Variants in CEP350 observed in about 807,000 individuals in gnomAD.
CEP350 encodes the protein centrosome-associated protein 350.
A neutral mutation model predicts 331.8 loss-of-function variants in CEP350; 126 were observed. That is an observed-to-expected ratio of 0.38 (90% confidence interval 0.33 to 0.44). The LOEUF (loss-of-function observed/expected upper bound fraction) is 0.44, where lower values mean the gene tolerates loss of function less well. Ranked by LOEUF, CEP350 falls within the 20% of genes least tolerant of loss-of-function variation. The pLI is 1.00. For missense variants in CEP350, 3,406 were observed against 3,634.6 expected, an observed-to-expected ratio of 0.94 and a Z score of 1.62; for synonymous variants, 1,200 against 1,259.5, an observed-to-expected ratio of 0.95 and a Z score of 1.00.
At position 180,111,309 on chromosome 1, in the gene CEP350, T is replaced by C; in HGVS notation, c.*148T>C. ...TACCAGTATGGAGTTCATAGGACAA[T>C]GTGGTACACCTGGTATTACAGCCTT... On this transcript the variant is annotated 3_prime_UTR_variant, in exon 38 of 38. Coordinates refer to ENST00000367607, the MANE Select transcript of CEP350 (RefSeq NM_014810.5). 1 of 906,490 alleles carries C rather than the reference T, an allele frequency of 1.1e-6. No homozygotes were observed. 56.2% of individuals were successfully genotyped at this position (906,490 alleles called of 1,614,324 possible). A position where few individuals can be genotyped will look rare whatever the true frequency, so the allele number is the denominator to read the frequency against.
At chr1:180,025,285 C>T (rs946165533) in intron 14 of CEP350, among the ~76,000 whole-genome samples, 2 of 152,002 alleles carry the variant, frequency 1.3e-5, no homozygotes, top group African/African-American at 4.8e-5. Context: ...CTCTGAGTAT[C>T]ATTAAATATA....
Position 180,022,754 on chromosome 1 carries a change from G to A in CEP350, c.3292G>A (p.Ala1098Thr), listed in dbSNP as rs759784572. ...TSTSRPLNATATPLSGVSYED... is the reference protein window; with the variant it reads ...TSTSRPLNATTTPLSGVSYED... ...AACATCACGGCCTTTGAATGCCACCGCAACTCCTCTAAGTGGTGTTTCATA... is the reference window on the plus strand; with the variant it reads ...AACATCACGGCCTTTGAATGCCACCACAACTCCTCTAAGTGGTGTTTCATA... The change falls in exon 13 of 38, where the codon GCA becomes ACA. Residue 1098 changes from alanine to threonine, a missense_variant. Transcript: ENST00000367607. 5.0e-6 allele frequency: 8 copies of A among 1,610,756 alleles called. 1 individual carries two copies. Among genetic ancestry groups the A allele is most frequent in the Admixed American group, 3.4e-5 (2 of 59,520 alleles).
intron 31 of CEP350, among the ~76,000 whole-genome samples, chr1:180,085,115 C>T (rs1310789532): frequency 1.3e-5 from 2 of 150,290 alleles, no homozygotes; most frequent in East Asian, 1.9e-4. Flanking sequence ...TTTCCCCTTT[C>T]CCTTTCCCTT....
At chr1:180,073,838 G>T (rs1341536039) in intron 27 of CEP350, 2 of 1,304,126 alleles carry the variant, frequency 1.5e-6, no homozygotes, top group Non-Finnish European at 2.0e-6. Context: ...TCATCACTGG[G>T]CCTCTCTCAG....
At chr1:180,067,595 A>G (rs1442089772) in intron 27 of CEP350, among the ~76,000 whole-genome samples, 1 of 152,202 alleles carries the variant, frequency 6.6e-6, no homozygotes, top group Non-Finnish European at 1.5e-5. Context: ...AGGCTGAGGC[A>G]GGAGAATCAC....
chr1:180,096,309 T>G, intron 36 of CEP350, 125 bp downstream of exon 36: 1 of 1,010,592 alleles, frequency 9.9e-7, no homozygotes. Flanking sequence ...ACCTGTTCCA[T>G]AGTGGGTATT....
rs1652709788 is a variant in CEP350, at chr1:179,987,346, T to C, written c.120+60T>C. 6 of 897,870 alleles carry C rather than the reference T, an allele frequency of 6.7e-6. No homozygotes were observed. The East Asian group carries it at 1.4e-4, about 20-fold the overall frequency. The allele number at this position is 897,870 out of a possible 1,614,324, so 55.6% of individuals were successfully genotyped here. On this transcript the variant is annotated intron_variant, in intron 3 of 37. Coordinates refer to ENST00000367607, the MANE Select transcript of CEP350 (RefSeq NM_014810.5). ...GATTAAAATCAATTTCCTGTTATGA[T>C]TGAATAGATTAAAATGTTTTCCATA... is the stretch of plus-strand genomic sequence containing the variant.
rs183926407 is a variant in CEP350 at position 179,978,574 on chromosome 1, C to G, written c.-13-7595C>G. 1.6e-3 allele frequency among the ~76,000 whole-genome samples: 243 copies of G among 152,064 alleles called. 6 individuals are homozygous for G. The highest frequency in any genetic ancestry group is 2.2e-4 in the Non-Finnish European group (15 of 67,968). On this transcript the variant is annotated intron_variant, in intron 1 of 37. Transcript: ENST00000367607. ...CTCCCAGCCCCTACTAACCTCTGTT[C>G]TACTTTTCTATGAGAAGAGCTCTTC... is the stretch of plus-strand genomic sequence containing the variant.
rs1438310651 is a variant in CEP350, at chr1:180,111,470, G to C, written c.*309G>C. 4.3e-6 allele frequency: 1 copy of C among 231,556 alleles called. No individual in the cohort carries two copies. The highest frequency in any genetic ancestry group is 8.5e-6 in the Non-Finnish European group (1 of 118,340). The allele number at this position is 231,556 out of a possible 1,614,324, so 14.3% of individuals were successfully genotyped here. A position where few individuals can be genotyped will look rare whatever the true frequency, so the allele number is the denominator to read the frequency against. ...AACACCTGACTTACCTCTGAGTTTA[G>C]ACTAGGGTATCACTTCTTTGAGTCT... On this transcript the variant is annotated 3_prime_UTR_variant, in exon 38 of 38. Transcript: ENST00000367607.
rs1661502800 is a variant in CEP350 at position 180,112,315 on chromosome 1, T to C, written c.*1154T>C. ...TGTGGTTTTAACAAACCAATACACA[T>C]ATTGAAGAAGTCATTTTAATTCAGT... On this transcript the variant is annotated 3_prime_UTR_variant, in exon 38 of 38. Coordinates refer to ENST00000367607, the MANE Select transcript of CEP350 (RefSeq NM_014810.5). The C allele has an allele frequency of 6.6e-6, 1 of 152,570 alleles. No homozygotes were observed. The highest frequency in any genetic ancestry group is 2.4e-5 in the African/African-American group (1 of 41,460). The allele number at this position is 152,570 out of a possible 1,614,324, so 9.5% of individuals were successfully genotyped here.
chr1:179,981,379 G>C (rs1402575886), intron 1 of CEP350, among the ~76,000 whole-genome samples: 1 of 152,162 alleles, frequency 6.6e-6, no homozygotes, highest in Non-Finnish European at 1.5e-5. Flanking sequence ...AAGTGATCTT[G>C]AATAATCTGT....
intron 1 of CEP350, among the ~76,000 whole-genome samples, chr1:179,976,023 A>T (rs1202299718): frequency 6.6e-6 from 1 of 152,186 alleles, no homozygotes; most frequent in African/African-American, 2.4e-5. Flanking sequence ...AAACAGGAGA[A>T]ATATGTTTTA....
rs1571975122 is a variant in CEP350 at position 180,084,128 on chromosome 1, C to A, written c.6235C>A (p.Gln2079Lys). The change falls in exon 31 of 38, where the codon CAA becomes AAA. Residue 2079 changes from glutamine to lysine, a missense_variant. Physicochemically the swap from Gln to Lys is moderately conservative, Grantham distance 53. Transcript: ENST00000367607. ...GCTGAAGAAGGAACAGAAAAAAAGG[C>A]AAAAGGAAAGACTGAAAGCCCAAGA... ...NQLKKEQKKRQKERLKAQEAS... is the reference protein window; with the variant it reads ...NQLKKEQKKRKKERLKAQEAS... 1 of 1,587,244 alleles carries A rather than the reference C, an allele frequency of 6.3e-7. No homozygotes were observed. Among genetic ancestry groups the A allele is most frequent in the Non-Finnish European group, 8.6e-7 (1 of 1,166,390 alleles).
intron 11 of CEP350, among the ~76,000 whole-genome samples, chr1:180,017,073 A>G (rs1445893046): frequency 6.6e-6 from 1 of 152,150 alleles, no homozygotes; most frequent in Non-Finnish European, 1.5e-5. Flanking sequence ...TACTTTGCAT[A>G]TATTATTTTA....
At chr1:180,002,769 A>G (rs1008840719) in intron 6 of CEP350, among the ~76,000 whole-genome samples, 1 of 152,242 alleles carries the variant, frequency 6.6e-6, no homozygotes, top group African/African-American at 2.4e-5. Context: ...ATAAAAAGGA[A>G]TAAAGCCCTG....
At chr1:179,973,243 T>C (rs1376558404) in intron 1 of CEP350, among the ~76,000 whole-genome samples, 1 of 152,242 alleles carries the variant, frequency 6.6e-6, no homozygotes, top group African/African-American at 2.4e-5. Context: ...GGTACCCCTC[T>C]AGTAATTCCT....
chr1:179,993,127 G>C (rs945868967), intron 5 of CEP350, among the ~76,000 whole-genome samples: 1 of 151,840 alleles, frequency 6.6e-6, no homozygotes, highest in Non-Finnish European at 1.5e-5. Context: ...ATCTGGGATG[G>C]TCAGGCCTGA....
intron 8 of CEP350, among the ~76,000 whole-genome samples, chr1:180,011,117 A>AT (rs931490909): frequency 6.6e-6 from 1 of 151,698 alleles, no homozygotes; most frequent in Non-Finnish European, 1.5e-5. Context: ...TTATTGAAAC[A>AT]TTTTTTTGAA....
In CEP350 at chr1:180,041,263, A is replaced by C. The variant is rs773587476; in HGVS notation, c.4221+15A>C. On this transcript the variant is annotated intron_variant, in intron 18 of 37. Transcript: ENST00000367607. ...AAGCAGCTCAGGTAACTTATTTTGCAGCAGGTTCTTGTTTTTTAAACCTAA... is the reference window on the plus strand; with the variant it reads ...AAGCAGCTCAGGTAACTTATTTTGCCGCAGGTTCTTGTTTTTTAAACCTAA... 5.8e-6 allele frequency: 9 copies of C among 1,539,346 alleles called. No homozygotes were observed. In the African/African-American group the frequency reaches 1.2e-4, roughly 21 times the overall value.
Sources: allele counts gnomAD v4.1 joint callset (sites outside exome capture counted in the v4.1 genomes callset), GRCh38; gene constraint gnomAD v4.1.1; transcripts MANE v1.5; gene names NCBI Gene and HGNC (gene_info 2026-07-23, HGNC 2026-07-21).